The following ESRRG variants were observed in gnomAD, a reference collection of about 807,000 sequenced individuals.
ESRRG encodes estrogen related receptor gamma, also known as estrogen-related receptor gamma.
ESRRG carries 13 observed loss-of-function variants against 44.0 expected under a neutral mutation model. The observed-to-expected ratio is 0.30, with a 90% CI of 0.19 to 0.47. The LOEUF (loss-of-function observed/expected upper bound fraction) is 0.47. Ranked by LOEUF, ESRRG falls within the 20% of genes least tolerant of loss-of-function variation. ESRRG has a pLI of 1.00. For synonymous variants in ESRRG, 215 were observed against 214.6 expected, an observed-to-expected ratio of 1.00 and a Z score of -0.02; for missense variants, 395 against 580.6, an observed-to-expected ratio of 0.68 and a Z score of 3.29.
At chr1:216,524,265 T>C (rs866725045) in intron 5 of ESRRG, among the ~76,000 whole-genome samples, 2 of 138,824 alleles carry the variant, frequency 1.4e-5, no homozygotes, top group African/African-American at 3.0e-5. Flanking sequence ...TATATATATA[T>C]ATAGTCTCTT....
At chr1:216,981,626 T>C (rs1464716434) in intron 1 of ESRRG, among the ~76,000 whole-genome samples, 1 of 152,168 alleles carries the variant, frequency 6.6e-6, no homozygotes, top group Non-Finnish European at 1.5e-5. Flanking sequence ...ATTAATTTAT[T>C]GGTTCAAATA....
At chr1:217,114,781 C>T (rs1001620868) in intron 1 of ESRRG, among the ~76,000 whole-genome samples, 2 of 151,186 alleles carry the variant, frequency 1.3e-5, no homozygotes, top group African/African-American at 4.9e-5. Context: ...CTCAGCCTCC[C>T]GAGTAGCTGG....
intron 2 of ESRRG, among the ~76,000 whole-genome samples, chr1:216,837,834 CT>C (rs2095592314): frequency 6.6e-6 from 1 of 152,132 alleles, no homozygotes; most frequent in Non-Finnish European, 1.5e-5. Flanking sequence ...TGGCTGCAGA[CT>C]TTTTACAAAG....
At chr1:217,024,904 C>A (rs185056529) in intron 1 of ESRRG, among the ~76,000 whole-genome samples, 1 of 152,322 alleles carries the variant, frequency 6.6e-6, no homozygotes, top group East Asian at 1.9e-4. Flanking sequence ...AGCCAATTAG[C>A]AGCAGAGATA....
At chr1:216,776,076 A>G (rs1399399315) in intron 2 of ESRRG, among the ~76,000 whole-genome samples, 2 of 152,076 alleles carry the variant, frequency 1.3e-5, no homozygotes, top group Non-Finnish European at 2.9e-5. Flanking sequence ...TCCTCTATGT[A>G]AATCCCTATA....
chr1:216,883,315 G>A (rs2096473030), intron 2 of ESRRG, among the ~76,000 whole-genome samples: 2 of 149,532 alleles, frequency 1.3e-5, no homozygotes, highest in Admixed American at 6.7e-5. Flanking sequence ...AACCTGGGAG[G>A]CGGAGGTTGC....
At chr1:216,941,441 C>T (rs1428074677) in intron 1 of ESRRG, among the ~76,000 whole-genome samples, 1 of 152,176 alleles carries the variant, frequency 6.6e-6, no homozygotes, top group Non-Finnish European at 1.5e-5. Context: ...ACTTGTCATA[C>T]TCCCATTTCT....
chr1:216,585,874 A>C (rs2063670964), intron 3 of ESRRG, among the ~76,000 whole-genome samples: 1 of 152,084 alleles, frequency 6.6e-6, no homozygotes, highest in Admixed American at 6.6e-5. Context: ...CCCCATCTCT[A>C]CTAAAAATAC....
intron 2 of ESRRG, among the ~76,000 whole-genome samples, chr1:216,858,488 G>T (rs1323700993): frequency 1.6e-5 from 2 of 125,488 alleles, no homozygotes; most frequent in African/African-American, 6.7e-5. Flanking sequence ...GTTGTTGTAC[G>T]ACCTCACTAG....
intron 1 of ESRRG, among the ~76,000 whole-genome samples, chr1:216,700,406 T>TA (rs1210977904): frequency 1.3e-5 from 2 of 152,192 alleles, no homozygotes; most frequent in Non-Finnish European, 1.5e-5. Flanking sequence ...CACAGGATGA[T>TA]AAAATCAGCT....
intron 2 of ESRRG, among the ~76,000 whole-genome samples, chr1:216,737,889 C>A (rs190252587): frequency 6.6e-6 from 1 of 151,894 alleles, no homozygotes; most frequent in Non-Finnish European, 1.5e-5. Flanking sequence ...AGAAAATATT[C>A]GTCCTTACAT....
intron 5 of ESRRG, among the ~76,000 whole-genome samples, chr1:216,525,006 A>G (rs949027363): frequency 1.3e-5 from 2 of 152,218 alleles, no homozygotes; most frequent in East Asian, 1.9e-4. Context: ...TGAGTTTACA[A>G]TTAGCCCAAT....
At chr1:216,938,492 A>G (rs1275784992) in intron 2 of ESRRG, among the ~76,000 whole-genome samples, 3 of 152,214 alleles carry the variant, frequency 2.0e-5, no homozygotes, top group African/African-American at 7.2e-5. Context: ...GACTTCAAAC[A>G]TGAAAACATA....
At chr1:216,517,370 T>A (rs1037316801) in intron 6 of ESRRG, among the ~76,000 whole-genome samples, 5 of 152,154 alleles carry the variant, frequency 3.3e-5, no homozygotes, top group African/African-American at 1.2e-4. Flanking sequence ...ACAGAAATGC[T>A]GCTACTAATT....
At chr1:216,650,524 T>C (rs1336790863) in intron 3 of ESRRG, among the ~76,000 whole-genome samples, 1 of 152,140 alleles carries the variant, frequency 6.6e-6, no homozygotes, top group Non-Finnish European at 1.5e-5. Flanking sequence ...ATATCATATT[T>C]TAAGTTCTTT....
chr1:216,551,284 T>C (rs1267993268), intron 5 of ESRRG, among the ~76,000 whole-genome samples: 1 of 152,176 alleles, frequency 6.6e-6, no homozygotes. Context: ...TGAATAGGCA[T>C]GAGCTTGCTA....
At chr1:216,693,275 T>G (rs988219217) in intron 1 of ESRRG, among the ~76,000 whole-genome samples, 2 of 152,170 alleles carry the variant, frequency 1.3e-5, no homozygotes, top group African/African-American at 4.8e-5. Flanking sequence ...TTGGTGTGTG[T>G]AATTAAAAAA....
intron 3 of ESRRG, among the ~76,000 whole-genome samples, chr1:216,576,080 G>C (rs1420039637): frequency 2.0e-5 from 3 of 152,008 alleles, no homozygotes; most frequent in Non-Finnish European, 2.9e-5. Flanking sequence ...CTGCAGATTA[G>C]ACAAGGTGTG....
intron 1 of ESRRG, among the ~76,000 whole-genome samples, chr1:217,123,280 C>T (rs1169809577): frequency 6.6e-6 from 1 of 152,170 alleles, no homozygotes; most frequent in Non-Finnish European, 1.5e-5. Flanking sequence ...CACTCATCTT[C>T]TGCCTTGTCA....
Sources: allele counts gnomAD v4.1 joint callset (sites outside exome capture counted in the v4.1 genomes callset), GRCh38; gene constraint gnomAD v4.1.1; transcripts MANE v1.5; gene names NCBI Gene and HGNC (gene_info 2026-07-23, HGNC 2026-07-21).